The following GALNTL6 variants were observed in gnomAD, a reference collection of about 807,000 sequenced individuals.
The protein encoded by GALNTL6 is polypeptide N-acetylgalactosaminyltransferase like 6.
A neutral mutation model predicts 73.7 loss-of-function variants in GALNTL6; 46 were observed. The ratio of observed to expected loss-of-function variants is 0.62; its 90% CI spans 0.49 to 0.80. The LOEUF (loss-of-function observed/expected upper bound fraction) is 0.80, where lower values mean the gene tolerates loss of function less well. Among genes scored for constraint, GALNTL6 ranks in the 30% least tolerant of loss-of-function variants. GALNTL6 has a pLI of 0.00. For synonymous variants in GALNTL6, 259 were observed against 263.7 expected, an observed-to-expected ratio of 0.98 and a Z score of 0.17; for missense variants, 604 against 755.0, an observed-to-expected ratio of 0.80 and a Z score of 2.34.
intron 5 of GALNTL6, among the ~76,000 whole-genome samples, chr4:172,369,018 A>G (rs934081188): frequency 1.3e-5 from 2 of 152,180 alleles, no homozygotes; most frequent in African/African-American, 4.8e-5. Context: ...AAGCTTCCAC[A>G]GTGTGGAAGG....
At chr4:171,872,203 A>C (rs893554888) in intron 2 of GALNTL6, among the ~76,000 whole-genome samples, 2 of 152,206 alleles carry the variant, frequency 1.3e-5, no homozygotes, top group African/African-American at 4.8e-5. Context: ...AAATGAGATC[A>C]TTCATGGCAC....
At chr4:172,348,798 T>A in intron 5 of GALNTL6, 109 bp downstream of exon 5, 3 of 659,378 alleles carry the variant, frequency 4.5e-6, no homozygotes, top group Non-Finnish European at 7.1e-6. Context: ...ATCTGAAAGG[T>A]GATTATGAAG....
chr4:171,877,383 C>T (rs1578933402), intron 2 of GALNTL6, among the ~76,000 whole-genome samples: 1 of 152,068 alleles, frequency 6.6e-6, no homozygotes, highest in East Asian at 1.9e-4. Flanking sequence ...GATATCAGAA[C>T]ATATTTCATT....
At chr4:173,039,835 T>G (rs1753833055) in intron 12 of GALNTL6, 98 bp from the exon 13 acceptor site, 8 of 913,048 alleles carry the variant, frequency 8.8e-6, no homozygotes, top group Non-Finnish European at 1.3e-5. Context: ...AAATATATAC[T>G]GAAATATAAA....
intron 10 of GALNTL6, among the ~76,000 whole-genome samples, chr4:172,980,141 G>C (rs911872189): frequency 2.0e-5 from 3 of 152,142 alleles, no homozygotes; most frequent in Non-Finnish European, 2.9e-5. Context: ...AAGGAATTAG[G>C]TCCTGCCTTA....
intron 9 of GALNTL6, among the ~76,000 whole-genome samples, chr4:172,938,016 C>T (rs1361611024): frequency 6.6e-6 from 1 of 152,070 alleles, no homozygotes; most frequent in East Asian, 1.9e-4. Flanking sequence ...ATGTTTTTGA[C>T]TTTATGCATT....
chr4:172,411,829 C>T (rs1744447935), intron 5 of GALNTL6, among the ~76,000 whole-genome samples: 1 of 152,044 alleles, frequency 6.6e-6, no homozygotes, highest in Admixed American at 6.6e-5. Flanking sequence ...GTGCCAGTTG[C>T]TTTATAGGCC....
intron 2 of GALNTL6, among the ~76,000 whole-genome samples, chr4:172,135,381 A>G (rs1335353096): frequency 6.6e-6 from 1 of 151,140 alleles, no homozygotes; most frequent in Non-Finnish European, 1.5e-5. Context: ...TCCAGGACCC[A>G]TAAAAGGAAC....
At chr4:172,365,353 G>T (rs1328417155) in intron 5 of GALNTL6, among the ~76,000 whole-genome samples, 3 of 151,994 alleles carry the variant, frequency 2.0e-5, no homozygotes, top group Non-Finnish European at 4.4e-5. Context: ...GAGTGTTTCT[G>T]GTCGGAGATG....
chr4:171,947,443 G>A (rs1738737611), intron 2 of GALNTL6, among the ~76,000 whole-genome samples: 2 of 151,634 alleles, frequency 1.3e-5, no homozygotes, highest in Non-Finnish European at 2.9e-5. Context: ...CAGAGCAGAG[G>A]CAACAGAATG....
Position 172,372,482 on chromosome 4 carries a change from TG to T in GALNTL6, c.553+23795del, listed in dbSNP as rs557260949. Reference sequence around the variant, plus strand: ...ATTTTGATAGCCTCTGACACTAAGATGGCCACCGCCACAACTACCCGTAAAA... The same window carrying T: ...ATTTTGATAGCCTCTGACACTAAGATGCCACCGCCACAACTACCCGTAAAA... On this transcript the variant is annotated intron_variant, in intron 5 of 12. Coordinates refer to ENST00000506823, the MANE Select transcript of GALNTL6 (RefSeq NM_001034845.3). 2.9e-3 allele frequency among the ~76,000 whole-genome samples: 438 copies of T among 152,272 alleles called. 3 individuals carry two copies. Among genetic ancestry groups the T allele is most frequent in the African/African-American group, 9.7e-3 (405 of 41,554 alleles).
At chr4:171,884,886 T>C (rs1736564085) in intron 2 of GALNTL6, among the ~76,000 whole-genome samples, 1 of 151,918 alleles carries the variant, frequency 6.6e-6, no homozygotes, top group Non-Finnish European at 1.5e-5. Context: ...TGAAACTCTA[T>C]CTCTACTAAA....
At chr4:172,713,421 T>C (rs1734847386) in intron 5 of GALNTL6, among the ~76,000 whole-genome samples, 1 of 151,896 alleles carries the variant, frequency 6.6e-6, no homozygotes, top group Non-Finnish European at 1.5e-5. Flanking sequence ...CTGGCAGCAT[T>C]CCCTCTTGCT....
At chr4:171,965,207 T>G (rs1228355495) in intron 2 of GALNTL6, among the ~76,000 whole-genome samples, 1 of 152,220 alleles carries the variant, frequency 6.6e-6, no homozygotes, top group Non-Finnish European at 1.5e-5. Flanking sequence ...TTGAACTAAA[T>G]AGGGTAAAGA....
intron 5 of GALNTL6, among the ~76,000 whole-genome samples, chr4:172,465,504 A>C (rs968780833): frequency 2.0e-5 from 3 of 152,018 alleles, no homozygotes; most frequent in African/African-American, 4.8e-5. Context: ...GAAAAAGAAA[A>C]AGAAACTAGT....
In GALNTL6 at chr4:172,042,001, G is replaced by C. The variant is rs1237933323; in HGVS notation, c.139-187655G>C. On this transcript the variant is annotated intron_variant, in intron 2 of 12. Transcript: ENST00000506823. Reference sequence around the variant, plus strand: ...TATTGTACTGTAAAAAGCCAAGACTGACCTCTTGGAAAGCCACTTGAAAAG... The same window carrying C: ...TATTGTACTGTAAAAAGCCAAGACTCACCTCTTGGAAAGCCACTTGAAAAG... Among the ~76,000 whole-genome samples the C allele has an allele frequency of 5.9e-5, 9 of 152,158 alleles. No individual in the cohort carries two copies. In the East Asian group the frequency reaches 1.7e-3, roughly 29 times the overall value.
At chr4:172,997,326 G>A (rs1299581156) in intron 10 of GALNTL6, among the ~76,000 whole-genome samples, 3 of 152,144 alleles carry the variant, frequency 2.0e-5, no homozygotes, top group African/African-American at 4.8e-5. Context: ...CCTGCCTGCT[G>A]TCTGCTGGTT....
chr4:172,128,257 A>T (rs557106029), intron 2 of GALNTL6, among the ~76,000 whole-genome samples: 147 of 152,286 alleles, frequency 9.7e-4, no homozygotes, highest in African/African-American at 3.4e-3. Context: ...ATTTAGGCTA[A>T]TTGCTATATT....
chr4:172,544,471 A>C (rs1561130632), intron 5 of GALNTL6, among the ~76,000 whole-genome samples: 1 of 152,148 alleles, frequency 6.6e-6, no homozygotes, highest in East Asian at 1.9e-4. Flanking sequence ...TCTCCTGTTA[A>C]CCTGCACAGT....
Sources: allele counts gnomAD v4.1 joint callset (sites outside exome capture counted in the v4.1 genomes callset), GRCh38; gene constraint gnomAD v4.1.1; transcripts MANE v1.5; gene names NCBI Gene and HGNC (gene_info 2026-07-23, HGNC 2026-07-21).